The following NCAPH2 variants were observed in gnomAD, a reference collection of about 807,000 sequenced individuals.
NCAPH2 encodes non-SMC condensin II complex subunit H2.
Under a neutral mutation model 88.6 loss-of-function variants are expected in NCAPH2, and 56 were observed. That is an observed-to-expected ratio of 0.63 (90% confidence interval 0.51 to 0.79). The LOEUF is 0.79. Among genes scored for constraint, NCAPH2 ranks in the 30% least tolerant of loss-of-function variants. NCAPH2 has a pLI of 0.00. For missense variants in NCAPH2, 794 were observed against 792.0 expected, an observed-to-expected ratio of 1.00 and a Z score of -0.03; for synonymous variants, 378 against 313.6, an observed-to-expected ratio of 1.21 and a Z score of -2.17.
At chr22:50,515,612 G>C in intron 1 of NCAPH2, 1 of 777,824 alleles carries the variant, frequency 1.3e-6, no homozygotes, top group African/African-American at 1.8e-5. Context: ...TAGCCAGGAT[G>C]GTCTCGATCT....
At chr22:50,509,601 A>G (rs1396358969) in intron 1 of NCAPH2, among the ~76,000 whole-genome samples, 2 of 152,086 alleles carry the variant, frequency 1.3e-5, no homozygotes, top group Non-Finnish European at 2.9e-5. Flanking sequence ...TTTGTGTAAA[A>G]CCTTCCTATT....
chr22:50,511,329 G>A (rs1178321729), intron 1 of NCAPH2, among the ~76,000 whole-genome samples: 7 of 120,514 alleles, frequency 5.8e-5, no homozygotes, highest in Admixed American at 1.9e-4. Flanking sequence ...TCACTCTGTC[G>A]CCCAGGCTGG....
rs764842906 is a variant in NCAPH2 at position 50,523,906 on chromosome 22, G to A, written c.*531G>A. ...CATGGCTTCAACGTCGTCCCGCTCG[G>A]GGTCCACAGTGATGAAGACAGGCTG... is the stretch of plus-strand genomic sequence containing the variant. On this transcript the variant is annotated 3_prime_UTR_variant, in exon 20 of 20. Transcript: ENST00000420993. The A allele has an allele frequency of 6.2e-7, 1 of 1,613,752 alleles. No individual in the cohort carries two copies. Among genetic ancestry groups the A allele is most frequent in the Non-Finnish European group, 8.5e-7 (1 of 1,179,946 alleles).
intron 1 of NCAPH2, among the ~76,000 whole-genome samples, chr22:50,512,662 C>G (rs939163933): frequency 4.6e-5 from 7 of 151,462 alleles, no homozygotes; most frequent in Non-Finnish European, 7.4e-5. Context: ...GTGATCCTCC[C>G]ATCTCCCAAG....
chr22:50,521,005 A>AT lies in NCAPH2; in HGVS notation c.902_903insT (p.Glu301AspfsTer24). On this transcript the variant is annotated frameshift_variant, in exon 10 of 20. Coordinates refer to ENST00000420993, the MANE Select transcript of NCAPH2 (RefSeq NM_152299.4). LOFTEE classifies it high-confidence loss of function. ...AGGAGGTACATGCTGCGGGAGCGGG[A>AT]GGGGGCCCCAGAGCCTGCATCCTGC... 1 of 1,550,792 alleles carries AT rather than the reference A, an allele frequency of 6.4e-7. No homozygotes were observed.
At position 50,517,669 on chromosome 22, in the gene NCAPH2, T is replaced by C. The variant is rs1477197518; in HGVS notation, c.351+8T>C. The C allele has an allele frequency of 6.2e-7, 1 of 1,614,132 alleles. No individual in the cohort carries two copies. Among genetic ancestry groups the C allele is most frequent in the Admixed American group, 1.7e-5 (1 of 60,026 alleles). ...CAGGAGGCAGAGAATGAGGTGAGTT[T>C]CTTTGGCATGTGGTCCCCGCCCACT... On this transcript the variant is annotated splice_region_variant and intron_variant, in intron 4 of 19. Transcript: ENST00000420993.
rs201673419 is a variant in NCAPH2, at chr22:50,517,745, T to C, written c.356T>C (p.Leu119Pro). ...ACGAGCTCTGTCTCCCTCCAGTTCCTGTCGCTGGATGACTTCCCTGACTCC... is the reference window on the plus strand; with the variant it reads ...ACGAGCTCTGTCTCCCTCCAGTTCCCGTCGCTGGATGACTTCCCTGACTCC... ...GVPQEAENEF[L>P]SLDDFPDSRT... The change falls in exon 5 of 20, where the codon CTG (leucine) becomes CCG (proline). Residue 119 changes from leucine to proline, a missense_variant. Coordinates refer to ENST00000420993, the MANE Select transcript of NCAPH2 (RefSeq NM_152299.4). 1.2e-6 allele frequency: 2 copies of C among 1,614,046 alleles called. No homozygotes were observed. The highest frequency in any genetic ancestry group is 3.3e-5 in the Admixed American group (2 of 60,030).
Position 50,520,957 on chromosome 22 carries a change from C to T in NCAPH2, c.862-8C>T. ...GGAGAAGTGGGGACCCTGTGACTGT[C>T]TTTGCAGAGTGCTGCCCTGCCCAGG... On this transcript the variant is annotated splice_region_variant and splice_polypyrimidine_tract_variant and intron_variant, in intron 9 of 19. Coordinates refer to ENST00000420993, the MANE Select transcript of NCAPH2 (RefSeq NM_152299.4). 1.3e-6 allele frequency: 2 copies of T among 1,550,862 alleles called. No individual in the cohort carries two copies. Among genetic ancestry groups the T allele is most frequent in the South Asian group, 2.4e-5 (2 of 84,060 alleles).
At chr22:50,517,031 G>A (rs2068943436) in intron 2 of NCAPH2, among the ~76,000 whole-genome samples, 1 of 152,234 alleles carries the variant, frequency 6.6e-6, no homozygotes, top group Non-Finnish European at 1.5e-5. Context: ...CTGGGGTGAT[G>A]CTGGCGGGAG....
rs578043414 is a variant in NCAPH2, at chr22:50,522,673, G to A, written c.1378G>A (p.Ala460Thr). 8.7e-6 allele frequency: 14 copies of A among 1,613,710 alleles called. No individual in the cohort carries two copies. Among genetic ancestry groups the A allele is most frequent in the Admixed American group, 1.7e-5 (1 of 60,018 alleles). ...AGCTCACAGCTACCCCTTCCCAGACGCAGTGCCGATGTCCCTGAGCTACGA... is the reference window on the plus strand; with the variant it reads ...AGCTCACAGCTACCCCTTCCCAGACACAGTGCCGATGTCCCTGAGCTACGA... Reference protein sequence around the residue: ...ADPREAADLDAVPMSLSYEEL... With the variant: ...ADPREAADLDTVPMSLSYEEL... The change falls in exon 17 of 20, where the codon GCA becomes ACA. Residue 460 changes from alanine to threonine, a missense_variant and splice_region_variant. By Grantham distance (58) the Ala-to-Thr change is moderately conservative (BLOSUM62 0). Transcript: ENST00000420993.
intron 3 of NCAPH2, 29 bp from the exon 4 acceptor site, chr22:50,517,548 G>A: frequency 6.2e-7 from 1 of 1,614,078 alleles, no homozygotes; most frequent in Non-Finnish European, 8.5e-7. Flanking sequence ...CAGCTCCTGG[G>A]ATGCCCACGG....
chr22:50,511,019 T>C (rs1007655016), intron 1 of NCAPH2, among the ~76,000 whole-genome samples: 2 of 151,324 alleles, frequency 1.3e-5, no homozygotes, highest in African/African-American at 4.9e-5. Context: ...GCTAATGTTT[T>C]GTATTTTTAG....
At chr22:50,518,334 G>A in intron 7 of NCAPH2, 56 bp downstream of exon 7, 3 of 1,588,128 alleles carry the variant, frequency 1.9e-6, no homozygotes, top group South Asian at 1.1e-5. Context: ...CTTCTGGTTG[G>A]ACTCTTGTGG....
rs750018119 is a variant in NCAPH2, at chr22:50,524,260, TGGCCCTGCCCACCTGTCTCTGCAG to T, written c.*895_*918del. On this transcript the variant is annotated 3_prime_UTR_variant, in exon 20 of 20. Coordinates refer to ENST00000420993, the MANE Select transcript of NCAPH2 (RefSeq NM_152299.4). ...GGTTCGAAGCCCAGGGCCCTGGGGC[TGGCCCTGCCCACCTGTCTCTGCAG>T]GGCCCTGCCTTGACAAAAGCCAGGA... 4.4e-6 allele frequency: 7 copies of T among 1,604,770 alleles called. No individual in the cohort carries two copies. The highest frequency in any genetic ancestry group is 2.2e-5 in the East Asian group (1 of 44,868).
chr22:50,514,859 G>A (rs2068873301), intron 1 of NCAPH2, among the ~76,000 whole-genome samples: 1 of 152,184 alleles, frequency 6.6e-6, no homozygotes, highest in East Asian at 1.9e-4. Context: ...GTGCTACCAT[G>A]GTGCCTAAAA....
intron 1 of NCAPH2, 123 bp downstream of exon 1, chr22:50,508,568 C>A (rs908239467): frequency 3.4e-5 from 21 of 614,700 alleles, no homozygotes; most frequent in Middle Eastern, 9.2e-4. Context: ...GCGCTCTGGC[C>A]GCGCAGGTCC....
chr22:50,508,706 C>A (rs535604410), intron 1 of NCAPH2, among the ~76,000 whole-genome samples: 1 of 152,348 alleles, frequency 6.6e-6, no homozygotes, highest in African/African-American at 2.4e-5. Context: ...TGGGTGGTGA[C>A]CAGCCGTTTC....
At chr22:50,518,587 C>G in intron 7 of NCAPH2, 62 bp from the exon 8 acceptor site, 1 of 1,493,160 alleles carries the variant, frequency 6.7e-7, no homozygotes, top group Non-Finnish European at 9.1e-7. Context: ...TTGTTGAACA[C>G]CGGGCAGGGA....
intron 8 of NCAPH2, 108 bp downstream of exon 8, chr22:50,518,840 CA>C: frequency 1.8e-6 from 2 of 1,118,774 alleles, no homozygotes; most frequent in Non-Finnish European, 2.5e-6. Flanking sequence ...CTGCCAGCCT[CA>C]TGCCCCTTCT....
Sources: allele counts gnomAD v4.1 joint callset (sites outside exome capture counted in the v4.1 genomes callset), GRCh38; gene constraint gnomAD v4.1.1; transcripts MANE v1.5; gene names NCBI Gene and HGNC (gene_info 2026-07-23, HGNC 2026-07-21).